Variants in CSMD1 observed in about 807,000 individuals in gnomAD.
CSMD1 encodes CUB and Sushi multiple domains 1.
CSMD1 carries 213 observed loss-of-function variants against 417.5 expected under a neutral mutation model. That is an observed-to-expected ratio of 0.51 (90% CI 0.46 to 0.57). The LOEUF (loss-of-function observed/expected upper bound fraction) is 0.57, where lower values mean the gene tolerates loss of function less well. CSMD1 is among the 20% of genes least tolerant of loss of function. The pLI is 0.00. For synonymous variants in CSMD1, 2,862 were observed against 1,736.8 expected (o/e 1.65, Z -16.11); for missense variants, 6,923 against 4,529.7 (o/e 1.53, Z -15.17).
chr8:3,656,305 G>C (rs143727067), intron 7 of CSMD1, among the ~76,000 whole-genome samples: 3 of 152,294 alleles, frequency 2.0e-5, no homozygotes, highest in African/African-American at 7.2e-5. Flanking sequence ...TCTCTCAGAA[G>C]CTTAGGGCGA....
At chr8:3,964,767 G>C (rs980297224) in intron 5 of CSMD1, among the ~76,000 whole-genome samples, 1 of 152,098 alleles carries the variant, frequency 6.6e-6, no homozygotes. Flanking sequence ...CCTTCATAAA[G>C]GACTAATGTA....
chr8:4,318,348 T>C (rs1294912907), intron 3 of CSMD1, among the ~76,000 whole-genome samples: 2 of 152,158 alleles, frequency 1.3e-5, no homozygotes, highest in Admixed American at 1.3e-4. Context: ...CCCTCCTCTC[T>C]CTTTTTATGC....
chr8:3,615,456 G>A (rs1258594373), intron 8 of CSMD1, among the ~76,000 whole-genome samples: 1 of 152,076 alleles, frequency 6.6e-6, no homozygotes, highest in Non-Finnish European at 1.5e-5. Flanking sequence ...TGCCTCAAAT[G>A]GATTTCAGCG....
At chr8:4,450,850 G>C (rs981463297) in intron 2 of CSMD1, among the ~76,000 whole-genome samples, 2 of 152,238 alleles carry the variant, frequency 1.3e-5, no homozygotes, top group East Asian at 1.9e-4. Context: ...TGGTGGATGT[G>C]AGAGGAACAA....
chr8:4,649,363 C>A (rs763094922), intron 1 of CSMD1, among the ~76,000 whole-genome samples: 6 of 152,118 alleles, frequency 3.9e-5, no homozygotes, highest in Non-Finnish European at 8.8e-5. Context: ...TAAATAGTTT[C>A]CATATTTTAA....
intron 23 of CSMD1, among the ~76,000 whole-genome samples, chr8:3,329,844 G>C (rs146478745): frequency 1.3e-5 from 2 of 152,186 alleles, no homozygotes; most frequent in East Asian, 1.9e-4. Flanking sequence ...TAGGGGCACA[G>C]GGCACAGTGC....
intron 2 of CSMD1, among the ~76,000 whole-genome samples, chr8:4,571,819 G>A (rs907186787): frequency 6.6e-6 from 1 of 151,996 alleles, no homozygotes; most frequent in African/African-American, 2.4e-5. Flanking sequence ...TTCTATATTG[G>A]GTGCATATAT....
At chr8:3,478,063 T>A (rs1817529677) in intron 11 of CSMD1, among the ~76,000 whole-genome samples, 1 of 152,196 alleles carries the variant, frequency 6.6e-6, no homozygotes. Context: ...GGCATCAACA[T>A]GAAATTAGAA....
Position 3,247,907 on chromosome 8 carries a change from G to A in CSMD1, c.4154-17676C>T, listed in dbSNP as rs181110642. Among the ~76,000 whole-genome samples the A allele has an allele frequency of 5.4e-4, 82 of 152,326 alleles. 1 individual carries two copies. The Middle Eastern group carries it at 0.02, about 38-fold the overall frequency. The stretch of plus-strand genomic sequence containing the variant: ...GAATCCATGCATTTTCATAGTTCCA[G>A]AAGGGAAGCATGTGCTGATGACTTA... On this transcript the variant is annotated intron_variant, in intron 26 of 69. Transcript: ENST00000635120.
rs992265291 is a variant in CSMD1 at position 3,756,664 on chromosome 8, G to A, written c.819-2622C>T. ...AAGACTATGAATACAAAAGATCAGC[G>A]AATGTAGGAAGCTGCATGTACTTGC... On this transcript the variant is annotated intron_variant, in intron 5 of 69. Coordinates refer to ENST00000635120, the MANE Select transcript of CSMD1 (RefSeq NM_033225.6). 1.9e-4 allele frequency among the ~76,000 whole-genome samples: 29 copies of A among 152,272 alleles called. 1 individual carries two copies. The highest frequency in any genetic ancestry group is 4.3e-4 in the African/African-American group (18 of 41,538).
At chr8:3,650,448 A>G (rs1797795981) in intron 7 of CSMD1, among the ~76,000 whole-genome samples, 2 of 152,218 alleles carry the variant, frequency 1.3e-5, no homozygotes, top group Admixed American at 6.5e-5. Context: ...AGGAAAACTC[A>G]TCGAAGAACT....
chr8:4,306,736 C>A (rs950989206), intron 3 of CSMD1, among the ~76,000 whole-genome samples: 1 of 152,060 alleles, frequency 6.6e-6, no homozygotes, highest in Non-Finnish European at 1.5e-5. Context: ...TAAATGAGTG[C>A]CCGACCGCAG....
chr8:4,662,055 T>C (rs1001029984), intron 1 of CSMD1, among the ~76,000 whole-genome samples: 10 of 152,192 alleles, frequency 6.6e-5, no homozygotes, highest in Non-Finnish European at 1.5e-4. Flanking sequence ...TGTAACTGTG[T>C]TGAGACATTA....
intron 3 of CSMD1, among the ~76,000 whole-genome samples, chr8:4,155,234 A>C (rs1460261457): frequency 3.3e-5 from 5 of 152,162 alleles, no homozygotes; most frequent in African/African-American, 1.2e-4. Flanking sequence ...GGTCACGCAA[A>C]TGTTGAAAAG....
intron 7 of CSMD1, among the ~76,000 whole-genome samples, chr8:3,647,807 A>T (rs1287932158): frequency 6.6e-6 from 1 of 152,244 alleles, no homozygotes; most frequent in Non-Finnish European, 1.5e-5. Flanking sequence ...AAAAGTAAAT[A>T]TGGCAAATGT....
intron 5 of CSMD1, among the ~76,000 whole-genome samples, chr8:3,985,071 A>C (rs1814217278): frequency 6.6e-6 from 1 of 152,072 alleles, no homozygotes; most frequent in African/African-American, 2.4e-5. Flanking sequence ...TTTCAAAAAC[A>C]CTGTGGCTTT....
At chr8:4,220,774 C>G (rs189224448) in intron 3 of CSMD1, among the ~76,000 whole-genome samples, 1 of 152,164 alleles carries the variant, frequency 6.6e-6, no homozygotes, top group Non-Finnish European at 1.5e-5. Context: ...TATGGGGCCA[C>G]CCAAGAAATC....
chr8:4,478,536 C>T (rs914176167), intron 2 of CSMD1, among the ~76,000 whole-genome samples: 1 of 152,172 alleles, frequency 6.6e-6, no homozygotes, highest in African/African-American at 2.4e-5. Flanking sequence ...ATTTAATACA[C>T]TGCCTTCCAT....
intron 1 of CSMD1, among the ~76,000 whole-genome samples, chr8:4,767,689 A>G (rs1453214269): frequency 6.6e-6 from 1 of 152,204 alleles, no homozygotes; most frequent in Admixed American, 6.5e-5. Flanking sequence ...TTATGAAAGC[A>G]TTCACAGGTA....
Sources: gnomAD v4.1 joint callset for allele counts (sites outside exome capture counted in the v4.1 genomes callset) on GRCh38, gnomAD v4.1.1 for gene constraint, MANE v1.5 for transcripts, NCBI Gene and HGNC (gene_info 2026-07-23, HGNC 2026-07-21) for gene names.